MCCC1: variants seen among roughly 807,000 people sequenced by gnomAD.
The protein encoded by MCCC1 is methylcrotonyl-CoA carboxylase subunit 1.
MCCC1 carries 64 observed loss-of-function variants against 83.8 expected under a neutral mutation model. The ratio of observed to expected loss-of-function variants is 0.76; its 90% CI spans 0.62 to 0.94. The LOEUF (loss-of-function observed/expected upper bound fraction) is 0.94. Ranked by LOEUF, MCCC1 falls within the 40% of genes least tolerant of loss-of-function variation. The probability of loss-of-function intolerance (pLI) is 0.00; values close to 1 mark genes in which losing one functional copy is unlikely to be tolerated. For missense variants in MCCC1, 807 were observed against 904.7 expected (o/e 0.89, Z 1.39); for synonymous variants, 322 against 315.4 (o/e 1.02, Z -0.22).
intron 1 of MCCC1, among the ~76,000 whole-genome samples, chr3:183,110,858 G>A (rs1010981053): frequency 3.3e-5 from 5 of 152,016 alleles, no homozygotes; most frequent in Non-Finnish European, 7.4e-5. Context: ...TCTGCATATG[G>A]CTAGCCGGTT....
At chr3:183,071,752 A>C (rs1379842962) in intron 5 of MCCC1, among the ~76,000 whole-genome samples, 5 of 151,146 alleles carry the variant, frequency 3.3e-5, no homozygotes, top group African/African-American at 1.2e-4. Flanking sequence ...CCCATGCCAG[A>C]GTGCAGTGGT....
At chr3:183,106,927 G>C (rs1719415911) in intron 1 of MCCC1, among the ~76,000 whole-genome samples, 1 of 151,988 alleles carries the variant, frequency 6.6e-6, no homozygotes, top group African/African-American at 2.4e-5. Flanking sequence ...GGAACCATTT[G>C]AAAGCAGGCT....
intron 9 of MCCC1, among the ~76,000 whole-genome samples, chr3:183,050,879 C>G (rs1714926310): frequency 6.6e-6 from 1 of 151,970 alleles, no homozygotes. Context: ...GGTGAAAGAC[C>G]TGAACAGACA....
intron 4 of MCCC1, among the ~76,000 whole-genome samples, chr3:183,083,777 G>A (rs1314889246): frequency 2.6e-5 from 4 of 152,100 alleles, no homozygotes; most frequent in Admixed American, 2.0e-4. Context: ...AGAAAAGAAA[G>A]CAATAATAAA....
In MCCC1 at chr3:183,085,126, C is replaced by T. The variant is rs529472941; in HGVS notation, c.369+1567G>A. 5.9e-5 allele frequency among the ~76,000 whole-genome samples: 9 copies of T among 152,214 alleles called. No individual in the cohort carries two copies. The East Asian group carries it at 1.2e-3, about 20-fold the overall frequency. ...ATGATCAATGTGCTAGAGGAGACAA[C>T]GAAGAATTTCTAAGGAGAAGGAATT... On this transcript the variant is annotated intron_variant, in intron 4 of 18. Coordinates refer to ENST00000265594, the MANE Select transcript of MCCC1 (RefSeq NM_020166.5).
chr3:183,033,932 C>A (rs1713293323), intron 14 of MCCC1, 59 bp downstream of exon 14: 3 of 1,333,686 alleles, frequency 2.2e-6, no homozygotes, highest in East Asian at 4.6e-5. Flanking sequence ...TCCTCTTTTT[C>A]AGATTAATGT....
upstream of MCCC1, among the ~76,000 whole-genome samples, chr3:183,101,023 G>A (rs1719228887): frequency 6.6e-6 from 1 of 152,386 alleles, no homozygotes; most frequent in African/African-American, 2.4e-5. Context: ...CCCGGGCAAT[G>A]GGGGACTTAG....
At position 183,071,507 on chromosome 3, in the gene MCCC1, T is replaced by C. The variant is rs1267798679; in HGVS notation, c.492-150A>G. On this transcript the variant is annotated intron_variant, in intron 5 of 18. Transcript: ENST00000265594. ...ACGACAAAATAATACAAATTTAATA[T>C]GTCTATTAGTTAGTTTCCCTCATTT... 1.1e-5 allele frequency: 13 copies of C among 1,169,364 alleles called. No individual in the cohort carries two copies. In the Middle Eastern group the frequency reaches 6.2e-4, roughly 56 times the overall value. 72.4% of individuals were successfully genotyped at this position (1,169,364 alleles called of 1,614,324 possible).
chr3:183,083,663 C>T lies in MCCC1; in HGVS notation c.369+3030G>A, dbSNP rs116053554. On this transcript the variant is annotated intron_variant, in intron 4 of 18. Coordinates refer to ENST00000265594, the MANE Select transcript of MCCC1 (RefSeq NM_020166.5). ...AGCTTGATAAAGTCCCTGGAATTAG[C>T]ATATCATACATTTGCTAGAAGGTTC... is the stretch of plus-strand genomic sequence containing the variant. Among the ~76,000 whole-genome samples, 1,103 of 152,170 alleles carry T rather than the reference C, an allele frequency of 7.2e-3. 8 individuals are homozygous for T. The highest frequency in any genetic ancestry group is 0.02 in the Middle Eastern group (6 of 294).
intron 7 of MCCC1, among the ~76,000 whole-genome samples, chr3:183,060,698 A>G (rs1715760212): frequency 6.6e-6 from 1 of 152,138 alleles, no homozygotes; most frequent in South Asian, 2.1e-4. Context: ...TACATTAGGT[A>G]TATCTCCTAA....
chr3:183,021,880 C>G (rs1669159634), intron 16 of MCCC1, among the ~76,000 whole-genome samples: 1 of 152,212 alleles, frequency 6.6e-6, no homozygotes. Context: ...TAAGGACTCA[C>G]TGGGCAGCAG....
At chr3:183,033,685 T>A (rs1713273117) in intron 14 of MCCC1, among the ~76,000 whole-genome samples, 1 of 152,212 alleles carries the variant, frequency 6.6e-6, no homozygotes, top group South Asian at 2.1e-4. Context: ...AAAAAGAGGT[T>A]TTTTTGGGCA....
chr3:183,036,558 T>TTA (rs1321238553), intron 13 of MCCC1, among the ~76,000 whole-genome samples: 57 of 148,232 alleles, frequency 3.8e-4, no homozygotes, highest in African/African-American at 1.3e-3. Context: ...TTTTTTTTTT[T>TTA]AGATGAACTC....
Position 183,039,352 on chromosome 3 carries a change from T to C in MCCC1, c.1268-217A>G, listed in dbSNP as rs867715185. 5.3e-5 allele frequency among the ~76,000 whole-genome samples: 8 copies of C among 152,166 alleles called. No homozygotes were observed. The South Asian group carries it at 1.2e-3, about 24-fold the overall frequency. On this transcript the variant is annotated intron_variant, in intron 11 of 18. Transcript: ENST00000265594. The stretch of plus-strand genomic sequence containing the variant: ...TGGGCCACCCAACAGCACCAGGCCC[T>C]AACGTGGTGATTCAATGGCACACAA...
In MCCC1 at chr3:183,092,562, G is replaced by A. The variant is rs753198516; in HGVS notation, c.137-17C>T. 3 of 1,613,932 alleles carry A rather than the reference G, an allele frequency of 1.9e-6. No homozygotes were observed. ...TGTTTCTTCCTGTTTAAAACACCAT[G>A]AAAATCACACAGAAATGTTACTGGA... On this transcript the variant is annotated splice_polypyrimidine_tract_variant and intron_variant, in intron 2 of 18. Transcript: ENST00000265594.
chr3:183,081,054 A>G (rs1243930997), intron 4 of MCCC1, among the ~76,000 whole-genome samples: 1 of 152,226 alleles, frequency 6.6e-6, no homozygotes, highest in African/African-American at 2.4e-5. Context: ...CAATAACTAA[A>G]AACAAAAGGA....
intron 7 of MCCC1, among the ~76,000 whole-genome samples, chr3:183,059,258 G>A (rs536985811): frequency 1.3e-5 from 2 of 152,274 alleles, no homozygotes; most frequent in South Asian, 4.1e-4. Flanking sequence ...GCAGTGGGCC[G>A]AGATCGTGCC....
chr3:183,059,881 C>T (rs2108509081), intron 7 of MCCC1, among the ~76,000 whole-genome samples: 1 of 152,202 alleles, frequency 6.6e-6, no homozygotes, highest in East Asian at 1.9e-4. Context: ...CTAGTATTTT[C>T]CTTCCTTGTG....
intron 8 of MCCC1, among the ~76,000 whole-genome samples, chr3:183,056,915 G>C (rs886964709): frequency 2.0e-5 from 3 of 152,254 alleles, no homozygotes; most frequent in Admixed American, 2.0e-4. Context: ...GGCTGGTCTT[G>C]AACTCCCAAC....
Sources: gnomAD v4.1 joint callset for allele counts (sites outside exome capture counted in the v4.1 genomes callset) on GRCh38, gnomAD v4.1.1 for gene constraint, MANE v1.5 for transcripts, NCBI Gene and HGNC (gene_info 2026-07-23, HGNC 2026-07-21) for gene names.